The following MAGI2 variants were observed in gnomAD, a reference collection of about 807,000 sequenced individuals.
The protein encoded by MAGI2 is membrane-associated guanylate kinase, WW and PDZ domain-containing protein 2.
MAGI2 carries 35 observed loss-of-function variants against 133.3 expected under a neutral mutation model. The ratio of observed to expected loss-of-function variants is 0.26; its 90% CI spans 0.20 to 0.35. The LOEUF (loss-of-function observed/expected upper bound fraction) is 0.35. Ranked by LOEUF, MAGI2 falls within the 10% of genes least tolerant of loss-of-function variation. The pLI is 1.00. For missense variants in MAGI2, 1,636 were observed against 1,863.4 expected, an observed-to-expected ratio of 0.88 and a Z score of 2.25; for synonymous variants, 729 against 710.6, an observed-to-expected ratio of 1.03 and a Z score of -0.41.
chr7:79,199,323 T>C (rs895002868), intron 1 of MAGI2, among the ~76,000 whole-genome samples: 4 of 152,044 alleles, frequency 2.6e-5, no homozygotes, highest in Non-Finnish European at 5.9e-5. Flanking sequence ...GTTGAAAGAA[T>C]AGTCCAATGA....
At position 78,802,215 on chromosome 7, in the gene MAGI2, A is replaced by G. The variant is rs575619699; in HGVS notation, c.419-174976T>C. 7.9e-5 allele frequency among the ~76,000 whole-genome samples: 12 copies of G among 152,294 alleles called. No homozygotes were observed. The South Asian group carries it at 2.5e-3, about 32-fold the overall frequency. ...AGTCTAACTTAAATTCCTTAAGTTA[A>G]CCTTTTTCATAGTCCTTCTTCATTC... is the stretch of plus-strand genomic sequence containing the variant. On this transcript the variant is annotated intron_variant, in intron 2 of 21. Transcript: ENST00000354212.
chr7:78,385,966 T>C (rs1160200304), intron 6 of MAGI2, among the ~76,000 whole-genome samples: 11 of 134,976 alleles, frequency 8.1e-5, no homozygotes, highest in Admixed American at 8.0e-4. Context: ...GTAAAAACCC[T>C]AATTTTCCTG....
At chr7:78,738,808 G>A (rs1421464111) in intron 2 of MAGI2, among the ~76,000 whole-genome samples, 2 of 152,088 alleles carry the variant, frequency 1.3e-5, no homozygotes, top group African/African-American at 4.8e-5. Context: ...TTCTTTTGGG[G>A]GAAGAATAAA....
At chr7:79,452,971 C>G in intron 1 of MAGI2, 49 bp downstream of exon 1, 2 of 1,506,510 alleles carry the variant, frequency 1.3e-6, no homozygotes, top group Non-Finnish European at 8.8e-7. Context: ...CCCTGCGCCC[C>G]GAGCGGTCCC....
intron 16 of MAGI2, among the ~76,000 whole-genome samples, chr7:78,150,149 C>T (rs1023191435): frequency 6.6e-6 from 1 of 152,076 alleles, no homozygotes; most frequent in Non-Finnish European, 1.5e-5. Flanking sequence ...GAAAGAGTTT[C>T]GGTAGAAGCA....
At chr7:78,157,367 G>C (rs112246443) in intron 16 of MAGI2, among the ~76,000 whole-genome samples, 96 of 152,274 alleles carry the variant, frequency 6.3e-4, no homozygotes, top group Middle Eastern at 3.4e-3. Context: ...AAATTTTGGA[G>C]GTCAGTCTGA....
chr7:79,190,521 A>T, intron 1 of MAGI2, among the ~76,000 whole-genome samples: 1 of 151,838 alleles, frequency 6.6e-6, no homozygotes, highest in South Asian at 2.1e-4. Context: ...TTTGGATACC[A>T]ATTCTTCACC....
intron 20 of MAGI2, among the ~76,000 whole-genome samples, chr7:78,109,753 A>G (rs537857081): frequency 6.6e-6 from 1 of 152,164 alleles, no homozygotes; most frequent in African/African-American, 2.4e-5. Context: ...TTAGAAATAC[A>G]ATTTTGGTAG....
chr7:78,576,885 A>G (rs1170097150), intron 3 of MAGI2, among the ~76,000 whole-genome samples: 2 of 152,108 alleles, frequency 1.3e-5, no homozygotes, highest in African/African-American at 4.8e-5. Context: ...TATTACTTGA[A>G]GACAGGAGTT....
intron 2 of MAGI2, among the ~76,000 whole-genome samples, chr7:78,665,615 G>A (rs1281395370): frequency 2.0e-5 from 3 of 152,264 alleles, no homozygotes; most frequent in Middle Eastern, 3.4e-3. Flanking sequence ...GGCTTCTATG[G>A]AGAACATAGT....
At chr7:78,968,427 G>GT (rs201480375) in intron 2 of MAGI2, among the ~76,000 whole-genome samples, 12,244 of 142,414 alleles carry the variant, frequency 0.086, 541 homozygotes, top group African/African-American at 0.12. Flanking sequence ...TTTGTCATCA[G>GT]TTTTTTTTTT....
In MAGI2 at chr7:79,215,341, G is replaced by A. The variant is rs187248196; in HGVS notation, c.302-208135C>T. On this transcript the variant is annotated intron_variant, in intron 1 of 21. Coordinates refer to ENST00000354212, the MANE Select transcript of MAGI2 (RefSeq NM_012301.4). Reference sequence around the variant, plus strand: ...GCCCCGCAAAACTGTCTTTCAAGGGGGAAATCTACATTTCATAGAGAATTC... The same window carrying A: ...GCCCCGCAAAACTGTCTTTCAAGGGAGAAATCTACATTTCATAGAGAATTC... Among the ~76,000 whole-genome samples the A allele has an allele frequency of 5.7e-3, 870 of 152,024 alleles. 6 individuals are homozygous for A. Among genetic ancestry groups the A allele is most frequent in the Non-Finnish European group, 8.7e-3 (592 of 67,986 alleles).
intron 3 of MAGI2, among the ~76,000 whole-genome samples, chr7:78,542,523 C>T (rs980650691): frequency 2.0e-5 from 3 of 152,168 alleles, no homozygotes; most frequent in Admixed American, 2.0e-4. Flanking sequence ...CTCCCTTAGA[C>T]AGATTGGGTA....
At chr7:79,191,683 T>C (rs1257391630) in intron 1 of MAGI2, among the ~76,000 whole-genome samples, 1 of 151,800 alleles carries the variant, frequency 6.6e-6, no homozygotes, top group East Asian at 1.9e-4. Context: ...TAAATTCTTA[T>C]GTTTTAGGTG....
intron 1 of MAGI2, among the ~76,000 whole-genome samples, chr7:79,378,154 T>C (rs569441284): frequency 6.6e-6 from 1 of 151,956 alleles, no homozygotes; most frequent in Non-Finnish European, 1.5e-5. Context: ...ATTTGGTGGA[T>C]GCTGCTCAGG....
chr7:78,190,455 G>A (rs1828095561), intron 12 of MAGI2, among the ~76,000 whole-genome samples: 1 of 152,128 alleles, frequency 6.6e-6, no homozygotes, highest in Non-Finnish European at 1.5e-5. Flanking sequence ...ATATAAAAAA[G>A]GAAAATTTTA....
At chr7:78,881,570 A>C (rs1212742826) in intron 2 of MAGI2, among the ~76,000 whole-genome samples, 1 of 152,156 alleles carries the variant, frequency 6.6e-6, no homozygotes, top group Non-Finnish European at 1.5e-5. Context: ...TAGAACTTAA[A>C]GTATAATTTT....
intron 1 of MAGI2, among the ~76,000 whole-genome samples, chr7:79,241,505 C>T (rs1832412096): frequency 6.6e-6 from 1 of 152,122 alleles, no homozygotes; most frequent in Non-Finnish European, 1.5e-5. Flanking sequence ...ATAGTCTCTT[C>T]CTCCCTTATT....
At position 78,866,829 on chromosome 7, in the gene MAGI2, A is replaced by C. The variant is rs1794599598; in HGVS notation, c.418+140261T>G. 2.0e-5 allele frequency among the ~76,000 whole-genome samples: 3 copies of C among 152,278 alleles called. No homozygotes were observed. The South Asian group carries it at 6.2e-4, about 32-fold the overall frequency. On this transcript the variant is annotated intron_variant, in intron 2 of 21. Coordinates refer to ENST00000354212, the MANE Select transcript of MAGI2 (RefSeq NM_012301.4). ...TACATGATCCAGAAACTCCTTTTTC[A>C]CTTCAGAAAATTTGAAAAGATCAGA...
Sources: allele counts gnomAD v4.1 joint callset (sites outside exome capture counted in the v4.1 genomes callset), GRCh38; gene constraint gnomAD v4.1.1; transcripts MANE v1.5; gene names NCBI Gene and HGNC (gene_info 2026-07-23, HGNC 2026-07-21).